Variants in KIAA2012 observed in about 807,000 individuals in gnomAD.
KIAA2012 encodes uncharacterized protein KIAA2012.
Under a neutral mutation model 150.6 loss-of-function variants are expected in KIAA2012, and 125 were observed. The ratio of observed to expected loss-of-function variants is 0.83; its 90% CI spans 0.72 to 0.96. The LOEUF (loss-of-function observed/expected upper bound fraction) is 0.96, where lower values mean the gene tolerates loss of function less well. Ranked by LOEUF, KIAA2012 falls within the 40% of genes least tolerant of loss-of-function variation. The pLI, the probability that KIAA2012 is intolerant of heterozygous loss-of-function variation, is 0.00. For missense variants in KIAA2012, 1,219 were observed against 1,354.9 expected, an observed-to-expected ratio of 0.90 and a Z score of 1.57; for synonymous variants, 462 against 504.7, an observed-to-expected ratio of 0.92 and a Z score of 1.13.
intron 15 of KIAA2012, among the ~76,000 whole-genome samples, chr2:202,175,575 T>G (rs995717400): frequency 6.6e-6 from 1 of 152,208 alleles, no homozygotes; most frequent in African/African-American, 2.4e-5. Context: ...TTGCCCCTTT[T>G]ATCATGTGAG....
rs1013887138 is a variant in KIAA2012, at chr2:202,125,152, A to C, written c.1763-62A>C. ...TCATGTTTTCCCCTGTCTTCGGATA[A>C]GGGAATAAATTTTTACAAGACTTTT... is the stretch of plus-strand genomic sequence containing the variant. On this transcript the variant is annotated intron_variant, in intron 11 of 23. Coordinates refer to ENST00000498697, the MANE Select transcript of KIAA2012 (RefSeq NM_001277372.4). The C allele has an allele frequency of 6.1e-6, 8 of 1,300,980 alleles. No individual in the cohort carries two copies. The African/African-American group carries it at 1.2e-4, about 19-fold the overall frequency. 80.6% of individuals were successfully genotyped at this position (1,300,980 alleles called of 1,614,324 possible).
At chr2:202,168,445 A>G (rs77474137) in intron 15 of KIAA2012, among the ~76,000 whole-genome samples, 6,705 of 151,410 alleles carry the variant, frequency 0.044, 519 homozygotes, top group African/African-American at 0.16. Context: ...GAAAGAAAAA[A>G]AAAGAAAAGT....
Position 202,193,325 on chromosome 2 carries a change from G to T in KIAA2012, c.2836G>T (p.Glu946Ter), listed in dbSNP as rs756488180. 1.3e-6 allele frequency: 2 copies of T among 1,549,842 alleles called. No homozygotes were observed. Among genetic ancestry groups the T allele is most frequent in the Admixed American group, 2.0e-5 (1 of 50,992 alleles). The change falls in exon 20 of 24, where the codon GAG becomes TAG. Residue 946 changes from glutamate to a stop codon, truncating the protein, a stop_gained. Transcript: ENST00000498697. LOFTEE classifies it high-confidence loss of function. ...SKALLTKREQ[E>*]KASWDRLRAE... ...GGCCCTCCTCACTAAGAGGGAGCAG[G>T]AGAAGGCTTCCTGGGACAGGCTTCG...
intron 5 of KIAA2012, among the ~76,000 whole-genome samples, chr2:202,098,249 A>G (rs1415756441): frequency 5.3e-5 from 8 of 152,322 alleles, no homozygotes; most frequent in Admixed American, 4.6e-4. Flanking sequence ...AATCCCAGCT[A>G]CTCAGAAGGC....
chr2:202,079,054 G>A (rs1406053362), intron 2 of KIAA2012, among the ~76,000 whole-genome samples: 3 of 152,100 alleles, frequency 2.0e-5, no homozygotes, highest in African/African-American at 4.8e-5. Context: ...AAAATTAGCT[G>A]GGAGTGGTGA....
chr2:202,194,782 T>G (rs1204166456), intron 21 of KIAA2012, among the ~76,000 whole-genome samples: 1 of 151,652 alleles, frequency 6.6e-6, no homozygotes, highest in African/African-American at 2.4e-5. Context: ...TGTTTTTGTT[T>G]TTTTGAGTCC....
At chr2:202,130,991 C>G (rs1474317936) in intron 12 of KIAA2012, among the ~76,000 whole-genome samples, 1 of 152,120 alleles carries the variant, frequency 6.6e-6, no homozygotes, top group Non-Finnish European at 1.5e-5. Context: ...TGTTTCCCGC[C>G]TAGTTTCTCT....
chr2:202,176,905 A>T (rs1208979001), intron 15 of KIAA2012, among the ~76,000 whole-genome samples: 1 of 152,234 alleles, frequency 6.6e-6, no homozygotes, highest in African/African-American at 2.4e-5. Flanking sequence ...CAATAAATTG[A>T]AGATGCATAT....
chr2:202,157,199 C>G (rs1386555583), intron 14 of KIAA2012, among the ~76,000 whole-genome samples: 7 of 152,196 alleles, frequency 4.6e-5, no homozygotes, highest in Non-Finnish European at 8.8e-5. Flanking sequence ...GTGTTCACTG[C>G]TCTCCCTAGA....
At chr2:202,124,043 T>G (rs1466636020) in intron 11 of KIAA2012, among the ~76,000 whole-genome samples, 3 of 151,922 alleles carry the variant, frequency 2.0e-5, no homozygotes, top group African/African-American at 4.8e-5. Flanking sequence ...ACAAAAAAAA[T>G]TAGCCGGGTG....
rs1446029037 is a variant in KIAA2012, at chr2:202,179,527, C to G, written c.2120-5226C>G. 7.2e-6 allele frequency: 5 copies of G among 696,118 alleles called. No individual in the cohort carries two copies. The East Asian group carries it at 1.5e-4, about 21-fold the overall frequency. The allele number at this position is 696,118 out of a possible 1,614,324, so 43.1% of individuals were successfully genotyped here. On this transcript the variant is annotated intron_variant, in intron 15 of 23. Coordinates refer to ENST00000498697, the MANE Select transcript of KIAA2012 (RefSeq NM_001277372.4). ...AGCACATAGGTTTGGTGTACAGTGG[C>G]GTGGGCCCAGATAACAAAGTGCTTG... is the stretch of plus-strand genomic sequence containing the variant.
At position 202,099,710 on chromosome 2, in the gene KIAA2012, G is replaced by A. The variant is rs111759142; in HGVS notation, c.926G>A (p.Arg309His). The A allele has an allele frequency of 7.1e-5, 110 of 1,550,540 alleles. No individual in the cohort carries two copies. In the African/African-American group the frequency reaches 7.7e-4, roughly 11 times the overall value. The change falls in exon 6 of 24, where the codon CGC (arginine) becomes CAC (histidine). Residue 309 changes from arginine to histidine, a missense_variant. By Grantham distance (29) the Arg-to-His change is conservative. Coordinates refer to ENST00000498697, the MANE Select transcript of KIAA2012 (RefSeq NM_001277372.4). The stretch of plus-strand genomic sequence containing the variant: ...TCCAGGAAGGCCTTTGGGCATGGCC[G>A]CATCGATCACTCTTGGCTCCCAAGT... The part of the protein sequence containing the change: ...QTSRKAFGHG[R>H]IDHSWLPSDK...
At chr2:202,186,264 G>A (rs1482674732) in intron 16 of KIAA2012, among the ~76,000 whole-genome samples, 1 of 152,088 alleles carries the variant, frequency 6.6e-6, no homozygotes, top group African/African-American at 2.4e-5. Context: ...TGTAATCCCA[G>A]CACTTTGGGA....
At chr2:202,125,906 CAG>C in intron 12 of KIAA2012, 1 of 405,612 alleles carries the variant, frequency 2.5e-6, no homozygotes, top group Non-Finnish European at 4.7e-6. Context: ...CTTTGATTAA[CAG>C]AGAAATGTGA....
intron 15 of KIAA2012, 51 bp from the exon 16 acceptor site, chr2:202,184,702 C>T (rs1289725135): frequency 3.0e-6 from 4 of 1,314,694 alleles, no homozygotes; most frequent in Non-Finnish European, 3.1e-6. Flanking sequence ...CTGATCTCCT[C>T]CTAGGATAAC....
At chr2:202,165,446 G>T (rs1559225940) in intron 15 of KIAA2012, 90 bp downstream of exon 15, 2 of 1,302,180 alleles carry the variant, frequency 1.5e-6, no homozygotes, top group African/African-American at 1.5e-5. Context: ...GGGAGGCCAG[G>T]CACGGTGGCT....
At chr2:202,132,845 C>T (rs1690982025) in intron 12 of KIAA2012, among the ~76,000 whole-genome samples, 1 of 134,434 alleles carries the variant, frequency 7.4e-6, no homozygotes, top group Non-Finnish European at 1.6e-5. Context: ...GCCTGTAATC[C>T]CAGCACTTTG....
chr2:202,163,044 G>A (rs1284903543), intron 14 of KIAA2012, among the ~76,000 whole-genome samples: 3 of 149,762 alleles, frequency 2.0e-5, no homozygotes, highest in African/African-American at 7.4e-5. Context: ...CATTTAGGCT[G>A]TTTCCAATCT....
At chr2:202,132,886 G>A (rs1483500100) in intron 12 of KIAA2012, among the ~76,000 whole-genome samples, 1 of 137,728 alleles carries the variant, frequency 7.3e-6, no homozygotes, top group African/African-American at 2.7e-5. Flanking sequence ...CACGAGGTCA[G>A]GAGATCGAGA....
Sources: gnomAD v4.1 joint callset for allele counts (sites outside exome capture counted in the v4.1 genomes callset) on GRCh38, gnomAD v4.1.1 for gene constraint, MANE v1.5 for transcripts, NCBI Gene and HGNC (gene_info 2026-07-23, HGNC 2026-07-21) for gene names.